The following TAS2R1 variants were observed in gnomAD, a reference collection of about 807,000 sequenced individuals.
TAS2R1 encodes taste 2 receptor member 1.
For synonymous variants in TAS2R1, 141 were observed against 134.2 expected, an observed-to-expected ratio of 1.05 and a Z score of -0.35; for missense variants, 370 against 353.4, an observed-to-expected ratio of 1.05 and a Z score of -0.38.
chr5:9,752,499 C>A, the TAS2R1 span, among the ~76,000 whole-genome samples: 1 of 152,100 alleles, frequency 6.6e-6, no homozygotes. Flanking sequence ...AGGCCCCTCA[C>A]ATTGTTTTTA....
intron 1 of TAS2R1, among the ~76,000 whole-genome samples, chr5:9,672,522 T>C (rs1380219011): frequency 1.3e-5 from 2 of 151,926 alleles, no homozygotes; most frequent in African/African-American, 4.8e-5. Context: ...TCAACAATCA[T>C]CTGAAAAAAT....
At chr5:9,758,355 C>T in the TAS2R1 span, among the ~76,000 whole-genome samples, 2 of 152,246 alleles carry the variant, frequency 1.3e-5, no homozygotes, top group East Asian at 3.9e-4. Context: ...AAAACATATA[C>T]AGAATTTACA....
At chr5:9,690,061 T>C (rs1741208284) in intron 1 of TAS2R1, among the ~76,000 whole-genome samples, 1 of 152,222 alleles carries the variant, frequency 6.6e-6, no homozygotes, top group African/African-American at 2.4e-5. Flanking sequence ...ACCAAAACTG[T>C]ATAGTAATCT....
chr5:9,882,352 G>A, the TAS2R1 span, among the ~76,000 whole-genome samples: 2 of 152,174 alleles, frequency 1.3e-5, no homozygotes, highest in Non-Finnish European at 2.9e-5. Context: ...AAATGGCTGG[G>A]CGCAGTGGCT....
chr5:9,750,854 A>G, the TAS2R1 span, among the ~76,000 whole-genome samples: 1 of 152,144 alleles, frequency 6.6e-6, no homozygotes, highest in Admixed American at 6.6e-5. Flanking sequence ...ACTTTATGCA[A>G]TATTGATTGG....
chr5:9,720,129 A>T, the TAS2R1 span, among the ~76,000 whole-genome samples: 1 of 152,110 alleles, frequency 6.6e-6, no homozygotes, highest in Admixed American at 6.6e-5. Context: ...TTATGGCTCC[A>T]AATACCCCAA....
chr5:9,647,387 A>G (rs1740212292), intron 2 of TAS2R1, among the ~76,000 whole-genome samples: 1 of 152,198 alleles, frequency 6.6e-6, no homozygotes, highest in African/African-American at 2.4e-5. Flanking sequence ...TGTTATCCAC[A>G]GTGGCAGCTG....
intron 1 of TAS2R1, among the ~76,000 whole-genome samples, chr5:9,704,329 C>A (rs562370895): frequency 6.6e-6 from 1 of 151,032 alleles, no homozygotes; most frequent in African/African-American, 2.4e-5. Flanking sequence ...GACCCATGTT[C>A]TTTATCTACT....
At chr5:9,883,029 G>A in the TAS2R1 span, among the ~76,000 whole-genome samples, 12 of 152,128 alleles carry the variant, frequency 7.9e-5, no homozygotes, top group Non-Finnish European at 1.2e-4. Flanking sequence ...TATATACCAC[G>A]AAATACTAGG....
intron 1 of TAS2R1, among the ~76,000 whole-genome samples, chr5:9,681,856 AG>A (rs1358260710): frequency 6.6e-6 from 1 of 152,156 alleles, no homozygotes; most frequent in Non-Finnish European, 1.5e-5. Flanking sequence ...AAGAAACAAA[AG>A]TGGCATTTTA....
chr5:9,711,730 C>T (rs1178601782), intron 1 of TAS2R1, among the ~76,000 whole-genome samples: 1 of 152,138 alleles, frequency 6.6e-6, no homozygotes, highest in Non-Finnish European at 1.5e-5. Context: ...CGCAGTGGTG[C>T]AATCTCGCTG....
At chr5:9,717,130 T>G (rs138719189), upstream of TAS2R1, among the ~76,000 whole-genome samples, 167 of 152,140 alleles carry the variant, frequency 1.1e-3, 1 homozygote, top group African/African-American at 3.5e-3. Flanking sequence ...AAACTCACCC[T>G]AGAAAGAGGA....
the TAS2R1 span, among the ~76,000 whole-genome samples, chr5:9,759,409 T>C: frequency 6.6e-6 from 1 of 152,178 alleles, no homozygotes; most frequent in Admixed American, 6.5e-5. Context: ...CAATGAAAGA[T>C]CAACAGATCA....
chr5:9,755,778 C>G, the TAS2R1 span, among the ~76,000 whole-genome samples: 3 of 152,074 alleles, frequency 2.0e-5, no homozygotes, highest in Non-Finnish European at 2.9e-5. Context: ...GAGGGTTTCT[C>G]CTGATTTTAG....
the TAS2R1 span, among the ~76,000 whole-genome samples, chr5:9,823,699 G>T: frequency 7.6e-6 from 1 of 131,870 alleles, no homozygotes; most frequent in Non-Finnish European, 1.6e-5. Flanking sequence ...AGGGAGGAAG[G>T]AAGGGAGGGA....
chr5:9,806,791 C>T, the TAS2R1 span, among the ~76,000 whole-genome samples: 1 of 151,916 alleles, frequency 6.6e-6, no homozygotes, highest in Non-Finnish European at 1.5e-5. Context: ...GAAACCATAA[C>T]TTTCATTTGA....
the TAS2R1 span, among the ~76,000 whole-genome samples, chr5:9,776,990 AC>A: frequency 6.6e-6 from 1 of 152,238 alleles, no homozygotes; most frequent in Non-Finnish European, 1.5e-5. Context: ...AATTAAAAAT[AC>A]TTTTTTGATA....
At chr5:9,812,855 T>C in the TAS2R1 span, among the ~76,000 whole-genome samples, 2 of 152,196 alleles carry the variant, frequency 1.3e-5, no homozygotes, top group African/African-American at 2.4e-5. Context: ...TCAGTTTTAG[T>C]TGGTCATCTG....
the TAS2R1 span, among the ~76,000 whole-genome samples, chr5:9,780,025 A>G: frequency 6.6e-6 from 1 of 152,246 alleles, no homozygotes. Flanking sequence ...TGTGTGCCAC[A>G]TACCCTGTGA....
Sources: gnomAD v4.1 joint callset for allele counts (sites outside exome capture counted in the v4.1 genomes callset) on GRCh38, gnomAD v4.1.1 for gene constraint, MANE v1.5 for transcripts, NCBI Gene and HGNC (gene_info 2026-07-23, HGNC 2026-07-21) for gene names.